MARCHF3: variants seen among roughly 807,000 people sequenced by gnomAD.
MARCHF3 encodes the protein E3 ubiquitin-protein ligase MARCHF3.
In MARCHF3, 13 loss-of-function variants were observed where a neutral mutation model predicts 24.2. The observed-to-expected ratio is 0.54, with a 90% confidence interval of 0.35 to 0.85. The LOEUF (loss-of-function observed/expected upper bound fraction) is 0.85, where lower values mean the gene tolerates loss of function less well. Among genes scored for constraint, MARCHF3 ranks in the 40% least tolerant of loss-of-function variants. The pLI, the probability that MARCHF3 is intolerant of heterozygous loss-of-function variation, is 0.01. For synonymous variants in MARCHF3, 144 were observed against 137.3 expected, an observed-to-expected ratio of 1.05 and a Z score of -0.34; for missense variants, 276 against 325.0, an observed-to-expected ratio of 0.85 and a Z score of 1.16.
chr5:126,947,424 A>C (rs1264278080), intron 1 of MARCHF3, among the ~76,000 whole-genome samples: 3 of 152,234 alleles, frequency 2.0e-5, no homozygotes, highest in African/African-American at 7.2e-5. Flanking sequence ...AGGAGAATGA[A>C]CAAGAGGAGC....
At chr5:126,880,609 A>T (rs1580594463) in intron 3 of MARCHF3, among the ~76,000 whole-genome samples, 1 of 152,324 alleles carries the variant, frequency 6.6e-6, no homozygotes, top group South Asian at 2.1e-4. Context: ...AAGTTAAATG[A>T]TGGTGCCAGG....
chr5:126,995,228 C>T (rs1175632911), intron 1 of MARCHF3, among the ~76,000 whole-genome samples: 1 of 152,180 alleles, frequency 6.6e-6, no homozygotes, highest in Admixed American at 6.5e-5. Flanking sequence ...GAGATAGCAC[C>T]CTGTTATTCT....
At chr5:126,970,466 CT>C (rs560964156) in intron 1 of MARCHF3, among the ~76,000 whole-genome samples, 13 of 151,218 alleles carry the variant, frequency 8.6e-5, no homozygotes, top group Admixed American at 5.9e-4. Context: ...GATTAAATTA[CT>C]TTTTTTCTTT....
chr5:127,029,098 C>T (rs1698396552), intron 1 of MARCHF3, among the ~76,000 whole-genome samples: 1 of 152,218 alleles, frequency 6.6e-6, no homozygotes. Flanking sequence ...GACATGCTTA[C>T]GCATACACAC....
chr5:126,896,287 G>A (rs1319469803), intron 3 of MARCHF3, among the ~76,000 whole-genome samples: 1 of 152,150 alleles, frequency 6.6e-6, no homozygotes, highest in African/African-American at 2.4e-5. Flanking sequence ...CTCAGGCTGG[G>A]AGCTGTAGAC....
chr5:127,000,063 ATAT>A (rs1488670194), intron 1 of MARCHF3, among the ~76,000 whole-genome samples: 1 of 149,776 alleles, frequency 6.7e-6, no homozygotes, highest in Non-Finnish European at 1.5e-5. Flanking sequence ...TATAGAATAT[ATAT>A]TATTCTGTAA....
chr5:126,885,815 T>C (rs1199259649), intron 3 of MARCHF3, among the ~76,000 whole-genome samples: 1 of 151,414 alleles, frequency 6.6e-6, no homozygotes, highest in African/African-American at 2.4e-5. Flanking sequence ...CCAAGATAAA[T>C]ATCTACACAT....
At chr5:126,889,498 G>A (rs1200927104) in intron 3 of MARCHF3, among the ~76,000 whole-genome samples, 1 of 152,004 alleles carries the variant, frequency 6.6e-6, no homozygotes, top group Admixed American at 6.6e-5. Flanking sequence ...GAGTATGGTG[G>A]AGGGATTTCA....
intron 1 of MARCHF3, among the ~76,000 whole-genome samples, chr5:126,958,581 T>C (rs751219183): frequency 1.3e-5 from 2 of 152,194 alleles, no homozygotes; most frequent in Non-Finnish European, 2.9e-5. Context: ...GCCTTTAAAT[T>C]AATTAATCTT....
intron 1 of MARCHF3, among the ~76,000 whole-genome samples, chr5:127,007,144 T>C (rs2126854754): frequency 6.6e-6 from 1 of 152,260 alleles, no homozygotes; most frequent in Non-Finnish European, 1.5e-5. Flanking sequence ...AAGCCTTTTG[T>C]CTCCATGATT....
At chr5:126,881,160 T>C (rs1753327204) in intron 3 of MARCHF3, among the ~76,000 whole-genome samples, 2 of 152,204 alleles carry the variant, frequency 1.3e-5, no homozygotes, top group South Asian at 4.1e-4. Flanking sequence ...TATGTGCCCA[T>C]GATCACCCAA....
At chr5:126,951,793 T>C (rs1750245061) in intron 1 of MARCHF3, among the ~76,000 whole-genome samples, 1 of 152,192 alleles carries the variant, frequency 6.6e-6, no homozygotes, top group Non-Finnish European at 1.5e-5. Flanking sequence ...CCTTTAATGT[T>C]TCCATTTGAG....
intron 1 of MARCHF3, among the ~76,000 whole-genome samples, chr5:126,953,174 C>CT (rs1383564233): frequency 6.6e-6 from 1 of 152,016 alleles, no homozygotes. Context: ...TTCTAATTGC[C>CT]TTTTTTTCTT....
chr5:126,885,918 G>C (rs1185846822), intron 3 of MARCHF3, among the ~76,000 whole-genome samples: 1 of 151,728 alleles, frequency 6.6e-6, no homozygotes, highest in Non-Finnish European at 1.5e-5. Flanking sequence ...TTTTTCCATA[G>C]GTCATGAAGT....
At chr5:126,889,551 A>G (rs976675412) in intron 3 of MARCHF3, among the ~76,000 whole-genome samples, 1 of 152,138 alleles carries the variant, frequency 6.6e-6, no homozygotes, top group African/African-American at 2.4e-5. Context: ...AGAGCAGACA[A>G]TGTCACCACA....
At chr5:126,965,678 A>T (rs1251468992) in intron 1 of MARCHF3, among the ~76,000 whole-genome samples, 1 of 152,186 alleles carries the variant, frequency 6.6e-6, no homozygotes, top group Non-Finnish European at 1.5e-5. Context: ...CAAAATAGTG[A>T]GTCAGTGAGA....
chr5:127,021,004 C>T (rs1483271108), intron 1 of MARCHF3, among the ~76,000 whole-genome samples: 1 of 152,136 alleles, frequency 6.6e-6, no homozygotes. Flanking sequence ...CTGCTGGCAC[C>T]TTGATCTTGA....
intron 3 of MARCHF3, chr5:126,899,066 T>C (rs1754019821): frequency 3.0e-6 from 3 of 985,186 alleles, no homozygotes; most frequent in African/African-American, 3.5e-5. Context: ...TGTAAATCTA[T>C]CCCTCTAACT....
intron 3 of MARCHF3, among the ~76,000 whole-genome samples, chr5:126,895,420 T>TG (rs1753849944): frequency 6.6e-6 from 1 of 152,010 alleles, no homozygotes; most frequent in Admixed American, 6.6e-5. Flanking sequence ...TTCTGTTCTG[T>TG]TTTTTTCCCC....
Sources: gnomAD v4.1 joint callset for allele counts (sites outside exome capture counted in the v4.1 genomes callset) on GRCh38, gnomAD v4.1.1 for gene constraint, MANE v1.5 for transcripts, NCBI Gene and HGNC (gene_info 2026-07-23, HGNC 2026-07-21) for gene names.